The following LRFN2 variants were observed in gnomAD, a reference collection of about 807,000 sequenced individuals.
LRFN2 encodes leucine rich repeat and fibronectin type III domain containing 2.
LRFN2 carries 18 observed loss-of-function variants against 37.3 expected under a neutral mutation model. That is an observed-to-expected ratio of 0.48 (90% CI 0.33 to 0.72). The LOEUF (loss-of-function observed/expected upper bound fraction) is 0.72. Ranked by LOEUF, LRFN2 falls within the 30% of genes least tolerant of loss-of-function variation. The pLI is 0.02. For synonymous variants in LRFN2, 556 were observed against 466.6 expected (o/e 1.19, Z -2.47); for missense variants, 1,006 against 1,060.7 (o/e 0.95, Z 0.72).
chr6:40,482,214 T>C (rs1200965084), intron 1 of LRFN2, among the ~76,000 whole-genome samples: 1 of 152,148 alleles, frequency 6.6e-6, no homozygotes, highest in South Asian at 2.1e-4. Flanking sequence ...TGAAACTCAC[T>C]CCTCCCAGTG....
At chr6:40,477,818 C>G (rs1301198765) in intron 1 of LRFN2, among the ~76,000 whole-genome samples, 1 of 152,090 alleles carries the variant, frequency 6.6e-6, no homozygotes, top group East Asian at 1.9e-4. Flanking sequence ...CTCTTTAGCG[C>G]CATGGTGGTG....
chr6:40,521,240 C>T (rs1766060444), intron 1 of LRFN2, among the ~76,000 whole-genome samples: 1 of 152,048 alleles, frequency 6.6e-6, no homozygotes, highest in Non-Finnish European at 1.5e-5. Flanking sequence ...TGGAACCTGC[C>T]AGCAGCAAGG....
At chr6:40,552,740 A>T (rs1484346425) in intron 1 of LRFN2, among the ~76,000 whole-genome samples, 1 of 152,226 alleles carries the variant, frequency 6.6e-6, no homozygotes, top group Non-Finnish European at 1.5e-5. Flanking sequence ...AAGGAAAGGA[A>T]GAAAAACACT....
intron 1 of LRFN2, among the ~76,000 whole-genome samples, chr6:40,450,455 C>T (rs1346764201): frequency 5.3e-5 from 8 of 152,214 alleles, no homozygotes; most frequent in Admixed American, 5.2e-4. Flanking sequence ...GGCCCCTGAG[C>T]ACATTGCAAG....
chr6:40,450,994 G>A (rs1053352239), intron 1 of LRFN2, among the ~76,000 whole-genome samples: 1 of 152,176 alleles, frequency 6.6e-6, no homozygotes, highest in African/African-American at 2.4e-5. Flanking sequence ...TCACCTCAAA[G>A]ACACCATAAA....
At chr6:40,393,303 C>G (rs140557801) in intron 2 of LRFN2, among the ~76,000 whole-genome samples, 1 of 151,548 alleles carries the variant, frequency 6.6e-6, no homozygotes, top group Admixed American at 6.6e-5. Context: ...AGGTATAGAC[C>G]GAGGATGTGT....
At chr6:40,393,090 TG>T (rs2113790063) in intron 2 of LRFN2, among the ~76,000 whole-genome samples, 178 bp from the exon 3 acceptor site, 1 of 105,578 alleles carries the variant, frequency 9.5e-6, no homozygotes, top group South Asian at 3.2e-4. Flanking sequence ...GACAGAGGAG[TG>T]AAGAGACATG....
intron 1 of LRFN2, among the ~76,000 whole-genome samples, chr6:40,513,371 T>G (rs1363850508): frequency 1.3e-5 from 2 of 152,040 alleles, no homozygotes; most frequent in Non-Finnish European, 2.9e-5. Context: ...GTAGCTGGGA[T>G]TACAGGTGCA....
intron 2 of LRFN2, among the ~76,000 whole-genome samples, chr6:40,403,606 A>C (rs1762787155): frequency 6.6e-6 from 1 of 152,132 alleles, no homozygotes; most frequent in Non-Finnish European, 1.5e-5. Flanking sequence ...AAGCACCCCA[A>C]TCATTGCCTC....
intron 1 of LRFN2, among the ~76,000 whole-genome samples, chr6:40,453,209 A>G (rs1378900377): frequency 6.6e-6 from 1 of 152,100 alleles, no homozygotes; most frequent in Non-Finnish European, 1.5e-5. Context: ...AATGTCATTG[A>G]TTATGTCAAT....
At chr6:40,504,133 C>T (rs1002398698) in intron 1 of LRFN2, among the ~76,000 whole-genome samples, 1 of 152,114 alleles carries the variant, frequency 6.6e-6, no homozygotes, top group African/African-American at 2.4e-5. Flanking sequence ...GCAGAAGAGA[C>T]CCGCCCAGAA....
intron 1 of LRFN2, among the ~76,000 whole-genome samples, chr6:40,509,919 G>A (rs1765655892): frequency 6.6e-6 from 1 of 151,026 alleles, no homozygotes; most frequent in Non-Finnish European, 1.5e-5. Context: ...ATGCCAGTAT[G>A]CCAGGGAACA....
rs74873435 is a variant in LRFN2, at chr6:40,430,720, G to A, written c.1400+994C>T. Among the ~76,000 whole-genome samples, 22 of 152,302 alleles carry A rather than the reference G, an allele frequency of 1.4e-4. No individual in the cohort carries two copies. In the East Asian group the frequency reaches 4.1e-3, roughly 28 times the overall value. On this transcript the variant is annotated intron_variant, in intron 2 of 2. Transcript: ENST00000338305. ...CCTTGATTTTCAGAGAACTTTTCAA[G>A]GTCAGTACCATTGTCTTCACTTCTA...
At chr6:40,411,738 G>T (rs1762971534) in intron 2 of LRFN2, among the ~76,000 whole-genome samples, 1 of 151,900 alleles carries the variant, frequency 6.6e-6, no homozygotes, top group African/African-American at 2.4e-5. Context: ...CCTTCTCGGT[G>T]AGGCCTGCCC....
chr6:40,431,833 A>C lies in LRFN2; in HGVS notation c.1281T>G (p.Leu427=). ...CCGAGGTGGTGGTCACTTCAGACAC[A>C]AGCACAGCCCGTTCCGGGGGGCTTT... ...PPKSPPERAV[L]VSEVTTTSAL... is the part of the protein sequence containing the mutation. The change falls in exon 2 of 3, where the codon CTT becomes CTG. Residue 427 remains leucine, a synonymous_variant. Transcript: ENST00000338305. 6.4e-7 allele frequency: 1 copy of C among 1,573,494 alleles called. No homozygotes were observed. The highest frequency in any genetic ancestry group is 8.6e-7 in the Non-Finnish European group (1 of 1,158,274).
At chr6:40,446,915 GAC>G (rs1763982799) in intron 1 of LRFN2, among the ~76,000 whole-genome samples, 1 of 148,546 alleles carries the variant, frequency 6.7e-6, no homozygotes, top group Non-Finnish European at 1.5e-5. Context: ...GTCTCCCTCA[GAC>G]TGGGGCTTCC....
At chr6:40,571,152 C>T (rs1392346419) in intron 1 of LRFN2, among the ~76,000 whole-genome samples, 5 of 152,252 alleles carry the variant, frequency 3.3e-5, no homozygotes, top group Non-Finnish European at 7.3e-5. Context: ...TTGTTTACCT[C>T]TCTGCCTCCC....
intron 1 of LRFN2, among the ~76,000 whole-genome samples, chr6:40,500,230 C>T (rs1478489443): frequency 6.6e-6 from 1 of 152,272 alleles, no homozygotes; most frequent in African/African-American, 2.4e-5. Flanking sequence ...GAGACTCCTT[C>T]ACCCAGCTCT....
intron 1 of LRFN2, among the ~76,000 whole-genome samples, chr6:40,577,000 C>T (rs1398959289): frequency 1.3e-5 from 2 of 152,014 alleles, no homozygotes; most frequent in African/African-American, 2.4e-5. Context: ...ACCCCACCCC[C>T]ACAAGCATTC....
Sources: gnomAD v4.1 joint callset for allele counts (sites outside exome capture counted in the v4.1 genomes callset) on GRCh38, gnomAD v4.1.1 for gene constraint, MANE v1.5 for transcripts, NCBI Gene and HGNC (gene_info 2026-07-23, HGNC 2026-07-21) for gene names.